The following TIAM1 variants were observed in gnomAD, a reference collection of about 807,000 sequenced individuals.
TIAM1 encodes TIAM Rac1 associated GEF 1, also known as rho guanine nucleotide exchange factor TIAM1.
Under a neutral mutation model 163.5 loss-of-function variants are expected in TIAM1, and 65 were observed. The ratio of observed to expected loss-of-function variants is 0.40; its 90% CI spans 0.33 to 0.49. The LOEUF (loss-of-function observed/expected upper bound fraction) is 0.49, where lower values mean the gene tolerates loss of function less well. Ranked by LOEUF, TIAM1 falls within the 20% of genes least tolerant of loss-of-function variation. TIAM1 has a pLI of 0.77. For synonymous variants in TIAM1, 833 were observed against 810.1 expected (o/e 1.03, Z -0.48); for missense variants, 1,789 against 2,044.7 (o/e 0.87, Z 2.41).
chr21:31,379,513 A>G (rs1255802448), intron 2 of TIAM1, among the ~76,000 whole-genome samples: 3 of 150,998 alleles, frequency 2.0e-5, no homozygotes, highest in African/African-American at 7.3e-5. Flanking sequence ...ATAATAGAAG[A>G]CCCAGTCCTT....
At chr21:31,380,171 G>A (rs2076753934) in intron 2 of TIAM1, among the ~76,000 whole-genome samples, 1 of 152,116 alleles carries the variant, frequency 6.6e-6, no homozygotes, top group Non-Finnish European at 1.5e-5. Flanking sequence ...GGCTGGGCAT[G>A]AGAATCGCTT....
At chr21:31,505,520 A>T (rs776727249) in intron 1 of TIAM1, among the ~76,000 whole-genome samples, 1 of 152,234 alleles carries the variant, frequency 6.6e-6, no homozygotes, top group Non-Finnish European at 1.5e-5. Context: ...AAGATGACTA[A>T]GATAACTACT....
At chr21:31,201,269 C>T (rs756935273) in intron 12 of TIAM1, among the ~76,000 whole-genome samples, 1 of 152,128 alleles carries the variant, frequency 6.6e-6, no homozygotes, top group African/African-American at 2.4e-5. Context: ...ACAGCAGCAC[C>T]AAGACTGGCC....
chr21:31,119,107 TAA>T lies in TIAM1; in HGVS notation c.*1259_*1260del, dbSNP rs1555847176. 666 of 146,034 alleles carry T rather than the reference TAA, an allele frequency of 4.6e-3. 7 individuals carry two copies. The highest frequency in any genetic ancestry group is 0.015 in the African/African-American group (612 of 40,262). The allele number at this position is 146,034 out of a possible 1,614,324, so 9.0% of individuals were successfully genotyped here. On this transcript the variant is annotated 3_prime_UTR_variant, in exon 28 of 28. Transcript: ENST00000541036. ...AAAGAAAAAGCTATAAACCTTTTTT[TAA>T]AAAAAAAAAAAAAATTGAAAGTGCT...
intron 20 of TIAM1, among the ~76,000 whole-genome samples, chr21:31,144,350 G>A (rs1162921461): frequency 2.6e-5 from 4 of 152,232 alleles, no homozygotes; most frequent in Non-Finnish European, 5.9e-5. Context: ...CCAAAAATAT[G>A]GCTGTGGGTA....
chr21:31,308,477 A>G (rs748237172), intron 2 of TIAM1, among the ~76,000 whole-genome samples: 25 of 150,900 alleles, frequency 1.7e-4, no homozygotes, highest in Non-Finnish European at 3.2e-4. Context: ...TATATTATAT[A>G]TTAATTACAT....
chr21:31,269,940 G>T (rs1028261767), intron 3 of TIAM1, among the ~76,000 whole-genome samples: 1 of 152,102 alleles, frequency 6.6e-6, no homozygotes, highest in Non-Finnish European at 1.5e-5. Context: ...CAAAGTGCTG[G>T]GATTACAGGC....
intron 8 of TIAM1, among the ~76,000 whole-genome samples, chr21:31,219,270 G>A (rs2087411057): frequency 6.6e-6 from 1 of 152,122 alleles, no homozygotes; most frequent in Non-Finnish European, 1.5e-5. Flanking sequence ...GGGAACTTCT[G>A]CCAGAAGGTC....
At chr21:31,255,954 A>C (rs773005031) in intron 4 of TIAM1, among the ~76,000 whole-genome samples, 3 of 152,222 alleles carry the variant, frequency 2.0e-5, no homozygotes, top group Non-Finnish European at 4.4e-5. Flanking sequence ...TTCCACTGGC[A>C]GCTTCCCCAA....
intron 6 of TIAM1, among the ~76,000 whole-genome samples, chr21:31,227,165 T>A (rs576750866): frequency 6.6e-6 from 1 of 151,882 alleles, no homozygotes; most frequent in Admixed American, 6.6e-5. Context: ...CCATGTTGCC[T>A]AGGCTGGTCT....
intron 2 of TIAM1, among the ~76,000 whole-genome samples, chr21:31,387,444 C>G (rs149844364): frequency 6.6e-6 from 1 of 151,820 alleles, no homozygotes; most frequent in South Asian, 2.1e-4. Flanking sequence ...AACTCCTGAC[C>G]TGAAATGATC....
Position 31,142,630 on chromosome 21 carries a change from CA to C in TIAM1, c.3476-1127del, listed in dbSNP as rs35209332. 5.4e-3 allele frequency among the ~76,000 whole-genome samples: 551 copies of C among 101,418 alleles called. 4 individuals are homozygous for C. The highest frequency in any genetic ancestry group is 0.013 in the African/African-American group (357 of 27,616). The allele number at this position is 101,418 out of a possible 152,430, so 66.5% of individuals were successfully genotyped here. ...TGAGTGACAGAGGGAGACTCCGTCT[CA>C]AAAAAAAAAAAAAAAGAAAGAAAAA... On this transcript the variant is annotated intron_variant, in intron 20 of 27. Coordinates refer to ENST00000541036, the MANE Select transcript of TIAM1 (RefSeq NM_001353694.2).
In TIAM1 at chr21:31,142,434, C is replaced by T. The variant is rs367624124; in HGVS notation, c.3476-930G>A. Among the ~76,000 whole-genome samples the T allele has an allele frequency of 6.5e-4, 92 of 140,516 alleles. 1 individual carries two copies. The highest frequency in any genetic ancestry group is 2.4e-3 in the African/African-American group (89 of 37,200). The allele number at this position is 140,516 out of a possible 152,430, so 92.2% of individuals were successfully genotyped here. A position where few individuals can be genotyped will look rare whatever the true frequency, so the allele number is the denominator to read the frequency against. ...GGAGTTTGAAAGCAGCCTGGCCAAC[C>T]TGCTAAAATCTCATCTCTACTAAAA... is the stretch of plus-strand genomic sequence containing the variant. On this transcript the variant is annotated intron_variant, in intron 20 of 27. Transcript: ENST00000541036.
chr21:31,246,067 A>G (rs954686760), intron 5 of TIAM1, among the ~76,000 whole-genome samples: 1 of 152,210 alleles, frequency 6.6e-6, no homozygotes, highest in African/African-American at 2.4e-5. Flanking sequence ...GCCCATTCAA[A>G]TATGTCTCGT....
At chr21:31,322,791 AACCT>A (rs1426615565) in intron 2 of TIAM1, among the ~76,000 whole-genome samples, 3 of 151,452 alleles carry the variant, frequency 2.0e-5, no homozygotes, top group Non-Finnish European at 2.9e-5. Context: ...TGACATTTTA[AACCT>A]ATCTACACAT....
At chr21:31,400,810 G>T (rs1301756375) in intron 2 of TIAM1, among the ~76,000 whole-genome samples, 1 of 152,104 alleles carries the variant, frequency 6.6e-6, no homozygotes, top group African/African-American at 2.4e-5. Flanking sequence ...TGGAATCCCG[G>T]CCGGGCACAG....
chr21:31,181,569 A>C (rs547567015), intron 15 of TIAM1, among the ~76,000 whole-genome samples: 6 of 151,818 alleles, frequency 4.0e-5, no homozygotes, highest in African/African-American at 1.2e-4. Flanking sequence ...AGTCCAAAAG[A>C]CAAACAGAGC....
At chr21:31,472,635 GA>G (rs2045785705) in intron 1 of TIAM1, among the ~76,000 whole-genome samples, 1 of 152,196 alleles carries the variant, frequency 6.6e-6, no homozygotes, top group African/African-American at 2.4e-5. Flanking sequence ...CATTAACAAA[GA>G]GGCCTCTGTG....
At chr21:31,455,559 C>T (rs1390191792) in intron 2 of TIAM1, among the ~76,000 whole-genome samples, 1 of 151,916 alleles carries the variant, frequency 6.6e-6, no homozygotes, top group Non-Finnish European at 1.5e-5. Context: ...ATTACAGGCA[C>T]CTGCCATGAC....
Sources: gnomAD v4.1 joint callset for allele counts (sites outside exome capture counted in the v4.1 genomes callset) on GRCh38, gnomAD v4.1.1 for gene constraint, MANE v1.5 for transcripts, NCBI Gene and HGNC (gene_info 2026-07-23, HGNC 2026-07-21) for gene names.